The following GRM3 variants were observed in gnomAD, a reference collection of about 807,000 sequenced individuals.
GRM3 encodes the protein metabotropic glutamate receptor 3.
In GRM3, 26 loss-of-function variants were observed where a neutral mutation model predicts 70.5. The ratio of observed to expected loss-of-function variants is 0.37; its 90% CI spans 0.27 to 0.51. The LOEUF (loss-of-function observed/expected upper bound fraction) is 0.51. GRM3 is among the 20% of genes least tolerant of loss of function. GRM3 has a pLI of 0.93. For missense variants in GRM3, 859 were observed against 1,123.8 expected, an observed-to-expected ratio of 0.76 and a Z score of 3.37; for synonymous variants, 443 against 434.9, an observed-to-expected ratio of 1.02 and a Z score of -0.23.
chr7:86,693,471 G>A (rs931290881), intron 1 of GRM3, among the ~76,000 whole-genome samples: 20 of 152,168 alleles, frequency 1.3e-4, no homozygotes, highest in Middle Eastern at 3.4e-3. Context: ...AAGACACATG[G>A]ACCAGGATTC....
intron 1 of GRM3, among the ~76,000 whole-genome samples, chr7:86,693,199 A>G (rs1794733860): frequency 6.6e-6 from 1 of 152,228 alleles, no homozygotes. Flanking sequence ...ATGTCATCTC[A>G]TTTAATCCCA....
At chr7:86,776,676 A>C (rs1031927117) in intron 2 of GRM3, among the ~76,000 whole-genome samples, 1 of 152,182 alleles carries the variant, frequency 6.6e-6, no homozygotes, top group African/African-American at 2.4e-5. Flanking sequence ...AAGTGACTTC[A>C]GGGACCACAG....
chr7:86,646,826 C>A (rs274625), intron 1 of GRM3, among the ~76,000 whole-genome samples: 94,677 of 151,546 alleles, frequency 0.62, 30,044 homozygotes, highest in East Asian at 0.87. Context: ...GCCACACACA[C>A]AAAAAAATCT....
chr7:86,768,958 G>T (rs553504750), intron 2 of GRM3, among the ~76,000 whole-genome samples: 57 of 152,158 alleles, frequency 3.7e-4, no homozygotes, highest in Non-Finnish European at 6.6e-4. Context: ...AAGAATTAAA[G>T]TGTGTTATTC....
In GRM3 at chr7:86,740,049, C is replaced by A. The variant is rs999016165; in HGVS notation, c.-140-24957C>A. On this transcript the variant is annotated intron_variant, in intron 1 of 5. Coordinates refer to ENST00000361669, the MANE Select transcript of GRM3 (RefSeq NM_000840.3). ...AGCTATTATATATTTAAGTTAACAC[C>A]AAAGGCAAAGCTCAACAAAATGCCC... Among the ~76,000 whole-genome samples the A allele has an allele frequency of 2.0e-5, 3 of 151,982 alleles. No individual in the cohort carries two copies. In the East Asian group the frequency reaches 5.8e-4, roughly 29 times the overall value.
Position 86,712,672 on chromosome 7 carries a change from C to G in GRM3, c.-140-52334C>G, listed in dbSNP as rs141010480. ...CTCTTCCCAGCCTCTGGGGACTGAT[C>G]TATTCTCTATCTTCAGGAGATCCAC... On this transcript the variant is annotated intron_variant, in intron 1 of 5. Coordinates refer to ENST00000361669, the MANE Select transcript of GRM3 (RefSeq NM_000840.3). Among the ~76,000 whole-genome samples the G allele has an allele frequency of 2.1e-3, 317 of 152,134 alleles. 3 individuals carry two copies. Among genetic ancestry groups the G allele is most frequent in the African/African-American group, 7.4e-3 (309 of 41,540 alleles).
chr7:86,794,354 G>A (rs17161001), intron 3 of GRM3, among the ~76,000 whole-genome samples: 8,165 of 152,218 alleles, frequency 0.054, 698 homozygotes, highest in African/African-American at 0.18. Context: ...CACCAGGATA[G>A]CAATCACATA....
intron 1 of GRM3, among the ~76,000 whole-genome samples, chr7:86,661,841 C>G (rs2115844081): frequency 6.6e-6 from 1 of 152,004 alleles, no homozygotes; most frequent in East Asian, 1.9e-4. Context: ...CCAACATTAG[C>G]TAGTAAATTG....
intron 2 of GRM3, among the ~76,000 whole-genome samples, chr7:86,781,559 C>T (rs1280869420): frequency 2.0e-5 from 3 of 152,074 alleles, no homozygotes; most frequent in Non-Finnish European, 1.5e-5. Context: ...GAAACTAGTC[C>T]TTTGAGAAAA....
chr7:86,648,073 A>T (rs1420977216), intron 1 of GRM3, among the ~76,000 whole-genome samples: 1 of 152,198 alleles, frequency 6.6e-6, no homozygotes, highest in Non-Finnish European at 1.5e-5. Flanking sequence ...TTTCTCTAGG[A>T]CTTATAAAAT....
chr7:86,739,700 C>G (rs1382805642), intron 1 of GRM3, among the ~76,000 whole-genome samples: 1 of 152,196 alleles, frequency 6.6e-6, no homozygotes, highest in Non-Finnish European at 1.5e-5. Context: ...CCAGGTGATT[C>G]TAATCATGCT....
At chr7:86,653,332 A>C (rs747243689) in intron 1 of GRM3, among the ~76,000 whole-genome samples, 9 of 152,240 alleles carry the variant, frequency 5.9e-5, no homozygotes, top group Non-Finnish European at 1.2e-4. Flanking sequence ...GAGCAACACA[A>C]ATATTCGGTC....
chr7:86,800,118 A>G (rs926761150), intron 3 of GRM3, among the ~76,000 whole-genome samples: 13 of 152,198 alleles, frequency 8.5e-5, no homozygotes, highest in African/African-American at 2.7e-4. Context: ...AATGTACCAG[A>G]ATCTCTGGGA....
chr7:86,817,023 C>T (rs1319161421), intron 3 of GRM3, among the ~76,000 whole-genome samples: 1 of 151,466 alleles, frequency 6.6e-6, no homozygotes. Flanking sequence ...GCCAAGGAAA[C>T]TGAAAAAAAC....
intron 1 of GRM3, among the ~76,000 whole-genome samples, chr7:86,665,339 A>C (rs1793999405): frequency 6.6e-6 from 1 of 152,044 alleles, no homozygotes; most frequent in Non-Finnish European, 1.5e-5. Context: ...GCTCACATGA[A>C]AATATAAGTA....
At chr7:86,676,629 CTT>C (rs1562822325) in intron 1 of GRM3, among the ~76,000 whole-genome samples, 1 of 151,896 alleles carries the variant, frequency 6.6e-6, no homozygotes, top group Non-Finnish European at 1.5e-5. Context: ...ATTAGCCTCT[CTT>C]TTAAGAAGAT....
intron 1 of GRM3, among the ~76,000 whole-genome samples, chr7:86,751,971 C>T (rs540140765): frequency 4.6e-5 from 7 of 152,226 alleles, no homozygotes; most frequent in Admixed American, 4.6e-4. Flanking sequence ...CCACACTAGC[C>T]ATTCTTTTTC....
intron 1 of GRM3, among the ~76,000 whole-genome samples, chr7:86,741,927 T>G (rs1452749021): frequency 6.6e-6 from 1 of 152,194 alleles, no homozygotes; most frequent in Non-Finnish European, 1.5e-5. Context: ...GTTGTTCCAG[T>G]TATTTATTGC....
At chr7:86,855,079 C>G (rs1028951602) in intron 5 of GRM3, among the ~76,000 whole-genome samples, 10 of 152,176 alleles carry the variant, frequency 6.6e-5, no homozygotes, top group African/African-American at 2.4e-4. Context: ...TACTCCCACA[C>G]CCACACACAT....
Sources: allele counts gnomAD v4.1 joint callset (sites outside exome capture counted in the v4.1 genomes callset), GRCh38; gene constraint gnomAD v4.1.1; transcripts MANE v1.5; gene names NCBI Gene and HGNC (gene_info 2026-07-23, HGNC 2026-07-21).